The following INPP4B variants were observed in gnomAD, a reference collection of about 807,000 sequenced individuals.
INPP4B encodes the protein inositol polyphosphate 4-phosphatase type II.
Under a neutral mutation model 122.5 loss-of-function variants are expected in INPP4B, and 55 were observed. That is an observed-to-expected ratio of 0.45 (90% CI 0.36 to 0.56). The LOEUF is 0.56. Among genes scored for constraint, INPP4B ranks in the 20% least tolerant of loss-of-function variants. The pLI, the probability that INPP4B is intolerant of heterozygous loss-of-function variation, is 0.00. For missense variants in INPP4B, 1,000 were observed against 1,097.7 expected (o/e 0.91, Z 1.26); for synonymous variants, 403 against 388.7 (o/e 1.04, Z -0.43).
intron 11 of INPP4B, among the ~76,000 whole-genome samples, chr4:142,246,052 T>C (rs1375046215): frequency 1.4e-4 from 6 of 44,160 alleles, no homozygotes; most frequent in African/African-American, 3.2e-4. Context: ...ATACACACAT[T>C]ATATATATGT....
At chr4:142,693,580 G>C (rs1339590432) in intron 2 of INPP4B, among the ~76,000 whole-genome samples, 1 of 132,136 alleles carries the variant, frequency 7.6e-6, no homozygotes, top group Non-Finnish European at 1.6e-5. Context: ...GTGTCTGCTT[G>C]CATACATTAA....
Position 142,443,151 on chromosome 4 carries a change from T to C in INPP4B, c.-126-11766A>G, listed in dbSNP as rs75076151. 2.4e-3 allele frequency among the ~76,000 whole-genome samples: 359 copies of C among 152,250 alleles called. 1 individual carries two copies. The highest frequency in any genetic ancestry group is 8.4e-3 in the African/African-American group (351 of 41,558). ...ACCTCAAAAAACCTGGTAATAAGAA[T>C]TCAGCCAAAATATATAATGTCATCT... On this transcript the variant is annotated intron_variant, in intron 3 of 25. Coordinates refer to ENST00000262992, the MANE Select transcript of INPP4B (RefSeq NM_001101669.3).
At chr4:142,525,527 G>T (rs1308770763) in intron 2 of INPP4B, among the ~76,000 whole-genome samples, 2 of 64,456 alleles carry the variant, frequency 3.1e-5, no homozygotes, top group Admixed American at 3.2e-4. Context: ...CATGGTATTG[G>T]TACCAAAACA....
chr4:142,317,010 G>C (rs1008821449), intron 7 of INPP4B, among the ~76,000 whole-genome samples: 4 of 152,196 alleles, frequency 2.6e-5, no homozygotes, highest in Non-Finnish European at 5.9e-5. Flanking sequence ...TGCTATAATA[G>C]AAATATGGGC....
At chr4:142,459,299 A>C (rs564189423) in intron 3 of INPP4B, among the ~76,000 whole-genome samples, 201 of 152,222 alleles carry the variant, frequency 1.3e-3, no homozygotes, top group African/African-American at 4.7e-3. Context: ...GAAAAAAAAA[A>C]AAAAAACAAA....
intron 25 of INPP4B, among the ~76,000 whole-genome samples, chr4:142,064,916 G>T (rs546623429): frequency 1.2e-4 from 18 of 152,184 alleles, no homozygotes; most frequent in African/African-American, 4.1e-4. Flanking sequence ...AAATAGTTGA[G>T]AAAACAGACA....
intron 1 of INPP4B, among the ~76,000 whole-genome samples, chr4:142,825,402 T>C (rs1384250445): frequency 6.6e-6 from 1 of 152,164 alleles, no homozygotes; most frequent in African/African-American, 2.4e-5. Flanking sequence ...GTTGACTTTA[T>C]TACCAGCAAG....
At chr4:142,242,424 T>C (rs1859876619) in intron 11 of INPP4B, among the ~76,000 whole-genome samples, 2 of 152,224 alleles carry the variant, frequency 1.3e-5, no homozygotes, top group South Asian at 2.1e-4. Context: ...TTGTCTGCAG[T>C]TGGTGACAAT....
chr4:142,412,001 AC>A (rs1303894651), intron 5 of INPP4B, among the ~76,000 whole-genome samples: 1 of 152,112 alleles, frequency 6.6e-6, no homozygotes, highest in Non-Finnish European at 1.5e-5. Flanking sequence ...TGTGCAAAAG[AC>A]TTTTGCAGCC....
chr4:142,178,411 C>T (rs1347632967), intron 15 of INPP4B, among the ~76,000 whole-genome samples: 1 of 152,044 alleles, frequency 6.6e-6, no homozygotes, highest in Non-Finnish European at 1.5e-5. Context: ...TATTGAAGTC[C>T]TTGACTTATG....
chr4:142,348,142 A>G (rs922866375), intron 7 of INPP4B, among the ~76,000 whole-genome samples: 2 of 152,004 alleles, frequency 1.3e-5, no homozygotes, highest in Admixed American at 6.6e-5. Context: ...GCTTTTGCTT[A>G]TGATACAGGG....
intron 11 of INPP4B, among the ~76,000 whole-genome samples, chr4:142,244,285 GCCTTTTTTTTT>G (rs1861020913): frequency 1.7e-5 from 2 of 120,648 alleles, no homozygotes; most frequent in Non-Finnish European, 3.2e-5. Context: ...GTGTATATGT[GCCTTTTTTTTT>G]TTTTTTTTTT....
At chr4:142,271,799 G>T (rs1169601536) in intron 9 of INPP4B, among the ~76,000 whole-genome samples, 1 of 152,110 alleles carries the variant, frequency 6.6e-6, no homozygotes, top group Admixed American at 6.5e-5. Context: ...AATAATATAA[G>T]ATTTTCACCA....
At chr4:142,454,165 T>C (rs1580107910) in intron 3 of INPP4B, among the ~76,000 whole-genome samples, 2 of 152,240 alleles carry the variant, frequency 1.3e-5, no homozygotes, top group East Asian at 3.9e-4. Context: ...GATCACTAGC[T>C]TTTAGGATTG....
intron 7 of INPP4B, among the ~76,000 whole-genome samples, chr4:142,380,658 T>G (rs926558069): frequency 1.3e-5 from 2 of 152,114 alleles, no homozygotes; most frequent in African/African-American, 4.8e-5. Context: ...TATGCTATTA[T>G]TTCATATTTT....
intron 11 of INPP4B, among the ~76,000 whole-genome samples, chr4:142,249,072 T>C (rs907536174): frequency 6.6e-6 from 1 of 152,092 alleles, no homozygotes; most frequent in African/African-American, 2.4e-5. Flanking sequence ...TGAAGCAAGA[T>C]GTACAAATAC....
intron 1 of INPP4B, among the ~76,000 whole-genome samples, chr4:142,828,131 C>T (rs1166737068): frequency 2.0e-5 from 3 of 151,132 alleles, no homozygotes; most frequent in Non-Finnish European, 4.4e-5. Flanking sequence ...GCTGAGCTCA[C>T]AAGAAATTAA....
chr4:142,235,673 C>T (rs1328186363), intron 12 of INPP4B, among the ~76,000 whole-genome samples: 1 of 152,212 alleles, frequency 6.6e-6, no homozygotes, highest in Non-Finnish European at 1.5e-5. Flanking sequence ...GATCCACCTG[C>T]CTTGGCCTCC....
At chr4:142,366,193 C>G (rs532501198) in intron 7 of INPP4B, among the ~76,000 whole-genome samples, 13 of 152,076 alleles carry the variant, frequency 8.5e-5, no homozygotes, top group Non-Finnish European at 1.3e-4. Flanking sequence ...AGATCCACCC[C>G]CTGCCTGCAA....
Sources: gnomAD v4.1 joint callset for allele counts (sites outside exome capture counted in the v4.1 genomes callset) on GRCh38, gnomAD v4.1.1 for gene constraint, MANE v1.5 for transcripts, NCBI Gene and HGNC (gene_info 2026-07-23, HGNC 2026-07-21) for gene names.